ALS2: variants seen among roughly 807,000 people sequenced by gnomAD.
ALS2 encodes the protein alsin Rho guanine nucleotide exchange factor ALS2, also known as alsin.
Under a neutral mutation model 203.4 loss-of-function variants are expected in ALS2, and 117 were observed. That is an observed-to-expected ratio of 0.58 (90% CI 0.50 to 0.67). The LOEUF (loss-of-function observed/expected upper bound fraction) is 0.67. ALS2 is among the 30% of genes least tolerant of loss of function. The pLI, the probability that ALS2 is intolerant of heterozygous loss-of-function variation, is 0.00. For synonymous variants in ALS2, 718 were observed against 725.9 expected (o/e 0.99, Z 0.17); for missense variants, 1,715 against 1,989.4 (o/e 0.86, Z 2.62).
At chr2:201,729,489 TC>T (rs1691411256) in intron 13 of ALS2, among the ~76,000 whole-genome samples, 1 of 152,116 alleles carries the variant, frequency 6.6e-6, no homozygotes, top group Admixed American at 6.5e-5. Flanking sequence ...GGTCTCGGGA[TC>T]CCTTTATTTT....
chr2:201,732,085 A>C (rs1199500845), intron 13 of ALS2, among the ~76,000 whole-genome samples: 1 of 152,124 alleles, frequency 6.6e-6, no homozygotes, highest in Non-Finnish European at 1.5e-5. Flanking sequence ...GATATTTGAG[A>C]GGTCAAACCT....
chr2:201,780,079 C>T lies in ALS2; in HGVS notation c.-61+798G>A, dbSNP rs1694826935. 2 of 152,316 alleles carry T rather than the reference C, an allele frequency of 1.3e-5. 1 individual carries two copies. The highest frequency in any genetic ancestry group is 2.9e-5 in the Non-Finnish European group (2 of 68,038). 9.4% of individuals were successfully genotyped at this position (152,316 alleles called of 1,614,324 possible). On this transcript the variant is annotated intron_variant, in intron 1 of 33. Transcript: ENST00000264276. ...TTGGGTACAGCAGTCAGTTCCTTCT[C>T]CATCCTAAACCAGAAAGAAAGCACT... is the stretch of plus-strand genomic sequence containing the variant.
intron 17 of ALS2, 102 bp downstream of exon 17, chr2:201,727,110 G>A: frequency 1.8e-6 from 2 of 1,122,058 alleles, no homozygotes; most frequent in South Asian, 1.3e-5. Context: ...ACAGAACTGT[G>A]CATCATTAGT....
At chr2:201,772,082 T>A (rs557033663) in intron 1 of ALS2, among the ~76,000 whole-genome samples, 1 of 152,160 alleles carries the variant, frequency 6.6e-6, no homozygotes, top group Non-Finnish European at 1.5e-5. Context: ...CAAATTATTA[T>A]CTCCTTCACA....
chr2:201,755,130 G>A (rs951562281), intron 5 of ALS2, among the ~76,000 whole-genome samples: 1 of 152,170 alleles, frequency 6.6e-6, no homozygotes, highest in East Asian at 1.9e-4. Flanking sequence ...AGGCAAAGTG[G>A]CTGTAGTCCT....
chr2:201,714,163 G>T (rs1690219800), intron 25 of ALS2, among the ~76,000 whole-genome samples: 1 of 152,214 alleles, frequency 6.6e-6, no homozygotes, highest in African/African-American at 2.4e-5. Context: ...TTATAAGGTT[G>T]ACCCTTGGCT....
intron 25 of ALS2, among the ~76,000 whole-genome samples, chr2:201,715,133 C>T (rs570676602): frequency 1.3e-5 from 2 of 152,302 alleles, no homozygotes; most frequent in Non-Finnish European, 2.9e-5. Context: ...TTCCTGTTCA[C>T]GCCTGCTCCA....
At chr2:201,774,128 T>C (rs927471351) in intron 1 of ALS2, among the ~76,000 whole-genome samples, 22 of 152,188 alleles carry the variant, frequency 1.4e-4, no homozygotes, top group African/African-American at 5.3e-4. Context: ...AAGGGGAATG[T>C]GAAAATGAAG....
rs3219171 is a variant in ALS2 at position 201,705,269 on chromosome 2, A to T, written c.4627-69T>A. On this transcript the variant is annotated intron_variant, in intron 30 of 33. Transcript: ENST00000264276. ...GCAACAACAGAAATAAATGATACTGATGTCAGAGTGCAGGTCTTTGGTAAT... is the reference window on the plus strand; with the variant it reads ...GCAACAACAGAAATAAATGATACTGTTGTCAGAGTGCAGGTCTTTGGTAAT... The T allele has an allele frequency of 0.92, 1,384,610 of 1,501,258 alleles. 639,331 individuals are homozygous for T. Among genetic ancestry groups the T allele is most frequent in the East Asian group, 0.99 (43,725 of 44,162 alleles). The allele number at this position is 1,501,258 out of a possible 1,614,324, so 93.0% of individuals were successfully genotyped here. A position where few individuals can be genotyped will look rare whatever the true frequency, so the allele number is the denominator to read the frequency against.
intron 29 of ALS2, among the ~76,000 whole-genome samples, chr2:201,706,554 T>TATATATATAA (rs1491091061): frequency 1.6e-4 from 22 of 135,944 alleles, no homozygotes; most frequent in Non-Finnish European, 3.0e-4. Flanking sequence ...TATATATATA[T>TATATATATAA]AACTATACAT....
chr2:201,759,477 T>C (rs1693625615), intron 4 of ALS2: 4 of 953,092 alleles, frequency 4.2e-6, no homozygotes, highest in Non-Finnish European at 1.2e-6. Context: ...TTAAATTTAA[T>C]TCAATAGAAA....
chr2:201,740,470 A>G (rs1372977077), intron 11 of ALS2, among the ~76,000 whole-genome samples: 2 of 152,358 alleles, frequency 1.3e-5, no homozygotes, highest in South Asian at 2.1e-4. Context: ...GAAGTGAAAT[A>G]GAGGTATTAT....
intron 1 of ALS2, 138 bp from the exon 2 acceptor site, chr2:201,769,083 T>C (rs1694248225): frequency 1.9e-6 from 1 of 522,654 alleles, no homozygotes; most frequent in East Asian, 3.0e-5. Flanking sequence ...AACTATTTCA[T>C]ATCTTGCCTG....
chr2:201,709,799 G>A lies in ALS2; in HGVS notation c.4280+82C>T. 18 of 1,548,334 alleles carry A rather than the reference G, an allele frequency of 1.2e-5. No individual in the cohort carries two copies. The South Asian group carries it at 2.0e-4, about 17-fold the overall frequency. ...GACTGTGGCATAAAACTATTTTCTT[G>A]ATGATTCAGGGTGAAACTACCCAAG... On this transcript the variant is annotated intron_variant, in intron 27 of 33. Coordinates refer to ENST00000264276, the MANE Select transcript of ALS2 (RefSeq NM_020919.4).
intron 25 of ALS2, among the ~76,000 whole-genome samples, chr2:201,711,501 A>T (rs1690024031): frequency 6.6e-6 from 1 of 152,208 alleles, no homozygotes; most frequent in Non-Finnish European, 1.5e-5. Flanking sequence ...TGACAACAGA[A>T]AAATGGAATA....
intron 15 of ALS2, 95 bp downstream of exon 15, chr2:201,728,417 A>C: frequency 6.5e-7 from 1 of 1,535,936 alleles, no homozygotes; most frequent in East Asian, 2.3e-5. Context: ...GTTTCAGTAA[A>C]ATCACACTAG....
At chr2:201,760,641 T>C (rs1693703563) in intron 4 of ALS2, 1 of 1,317,094 alleles carries the variant, frequency 7.6e-7, no homozygotes, top group Non-Finnish European at 9.6e-7. Context: ...TGCTCCTACT[T>C]ATAAAACAAG....
In ALS2 at chr2:201,758,760, A is replaced by ATGTG. The variant is rs775648737; in HGVS notation, c.1114-1005_1114-1002dup. Among the ~76,000 whole-genome samples the ATGTG allele has an allele frequency of 7.3e-3, 1,097 of 150,736 alleles. 15 individuals are homozygous for ATGTG. The highest frequency in any genetic ancestry group is 0.025 in the African/African-American group (1,033 of 40,886). On this transcript the variant is annotated intron_variant, in intron 4 of 33. Transcript: ENST00000264276. Reference sequence around the variant, plus strand: ...ACAAATATAATGTGTGTGTGTGCGCATGTGTGTGTGTGTGTGTGTGTGTGT... The same window carrying ATGTG: ...ACAAATATAATGTGTGTGTGTGCGCATGTGTGTGTGTGTGTGTGTGTGTGTGTGT...
rs546796378 is a variant in ALS2 at position 201,736,747 on chromosome 2, CA to C, written c.2417+1922del. ...AATGAATAATCGTAAGAATGAGAAA[CA>C]GGGGGTACAACTACAGTTATTCTGG... On this transcript the variant is annotated intron_variant, in intron 12 of 33. Coordinates refer to ENST00000264276, the MANE Select transcript of ALS2 (RefSeq NM_020919.4). Among the ~76,000 whole-genome samples the C allele has an allele frequency of 9.2e-5, 14 of 152,072 alleles. No individual in the cohort carries two copies. In the South Asian group the frequency reaches 2.5e-3, roughly 27 times the overall value.
Sources: gnomAD v4.1 joint callset for allele counts (sites outside exome capture counted in the v4.1 genomes callset) on GRCh38, gnomAD v4.1.1 for gene constraint, MANE v1.5 for transcripts, NCBI Gene and HGNC (gene_info 2026-07-23, HGNC 2026-07-21) for gene names.